Variants in FYN observed in about 807,000 individuals in gnomAD.
FYN encodes tyrosine-protein kinase Fyn.
In FYN, 10 loss-of-function variants were observed where a neutral mutation model predicts 70.2. The ratio of observed to expected loss-of-function variants is 0.14; its 90% confidence interval spans 0.09 to 0.24. The LOEUF (loss-of-function observed/expected upper bound fraction) is 0.24, where lower values mean the gene tolerates loss of function less well. FYN is among the 10% of genes least tolerant of loss of function. The probability of loss-of-function intolerance (pLI) is 1.00; values close to 1 mark genes in which losing one functional copy is unlikely to be tolerated. For missense variants in FYN, 319 were observed against 673.1 expected (o/e 0.47, Z 5.82); for synonymous variants, 236 against 248.6 (o/e 0.95, Z 0.48).
At chr6:111,754,884 G>C (rs939509983) in intron 3 of FYN, among the ~76,000 whole-genome samples, 1 of 151,648 alleles carries the variant, frequency 6.6e-6, no homozygotes, top group Non-Finnish European at 1.5e-5. Context: ...ACAGTAATAC[G>C]ATGTTAAAAG....
rs1797697728 is a variant in FYN, at chr6:111,660,498, A to G, written c.*1241T>C. On this transcript the variant is annotated 3_prime_UTR_variant, in exon 14 of 14. Transcript: ENST00000354650. ...AGGATTTTTGATTTGTTGTTGTTAA[A>G]CATATGTAATTTAAGGTTGGTACAA... 1 of 152,224 alleles carries G rather than the reference A, an allele frequency of 6.6e-6. No individual in the cohort carries two copies. The highest frequency in any genetic ancestry group is 6.5e-5 in the Admixed American group (1 of 15,282). The allele number at this position is 152,224 out of a possible 1,614,324, so 9.4% of individuals were successfully genotyped here.
intron 12 of FYN, among the ~76,000 whole-genome samples, chr6:111,678,219 T>C (rs945361244): frequency 1.3e-5 from 2 of 151,378 alleles, no homozygotes; most frequent in African/African-American, 4.9e-5. Context: ...TTTACCAAAC[T>C]CCCAAGGTAA....
At chr6:111,863,100 G>C (rs930804600) in intron 1 of FYN, among the ~76,000 whole-genome samples, 2 of 152,162 alleles carry the variant, frequency 1.3e-5, no homozygotes, top group Non-Finnish European at 2.9e-5. Context: ...TTAGTAAAGG[G>C]ACAGGATCCA....
At chr6:111,750,789 G>A (rs956064418) in intron 3 of FYN, among the ~76,000 whole-genome samples, 19 of 150,990 alleles carry the variant, frequency 1.3e-4, no homozygotes, top group African/African-American at 4.9e-5. Context: ...GAAACAAAGG[G>A]CATGCGTTCC....
intron 12 of FYN, among the ~76,000 whole-genome samples, chr6:111,684,691 AC>A (rs1178121337): frequency 6.6e-6 from 1 of 152,150 alleles, no homozygotes; most frequent in Non-Finnish European, 1.5e-5. Context: ...TGCAACGGTG[AC>A]CAATGACAAA....
At chr6:111,836,610 T>TA (rs1773196109) in intron 2 of FYN, among the ~76,000 whole-genome samples, 1 of 151,926 alleles carries the variant, frequency 6.6e-6, no homozygotes, top group South Asian at 2.1e-4. Flanking sequence ...ACAAAAATAA[T>TA]AAAAAATATT....
At chr6:111,862,713 A>G (rs778464074) in intron 1 of FYN, among the ~76,000 whole-genome samples, 4 of 152,220 alleles carry the variant, frequency 2.6e-5, no homozygotes, top group Non-Finnish European at 5.9e-5. Flanking sequence ...AAAACCTTCC[A>G]AACCCTGAAT....
intron 6 of FYN, 81 bp downstream of exon 6, chr6:111,707,841 C>G: frequency 5.4e-6 from 6 of 1,105,362 alleles, no homozygotes; most frequent in Non-Finnish European, 6.9e-6. Flanking sequence ...TCTTCTCCCT[C>G]CTGCCCAATG....
At chr6:111,752,225 C>T (rs114624378) in intron 3 of FYN, among the ~76,000 whole-genome samples, 1,718 of 152,278 alleles carry the variant, frequency 0.011, 24 homozygotes, top group African/African-American at 0.037. Flanking sequence ...CTCTCTTAAA[C>T]CTCAACTCCA....
intron 3 of FYN, among the ~76,000 whole-genome samples, chr6:111,750,445 A>G (rs1233661407): frequency 6.6e-6 from 1 of 152,166 alleles, no homozygotes; most frequent in Non-Finnish European, 1.5e-5. Context: ...AGAAGCCGCT[A>G]TGCTTCCTGT....
At position 111,670,750 on chromosome 6, in the gene FYN, CAAT is replaced by C. The variant is rs940577307; in HGVS notation, c.1405+3746_1405+3748del. ...TCTAGAATACTAACTCTGTTGGCAA[CAAT>C]GATAGAATGGTGGGTGGGTGGGTGG... On this transcript the variant is annotated intron_variant, in intron 13 of 13. Coordinates refer to ENST00000354650, the MANE Select transcript of FYN (RefSeq NM_002037.5). Among the ~76,000 whole-genome samples the C allele has an allele frequency of 1.6e-4, 16 of 98,652 alleles. No homozygotes were observed. The Admixed American group carries it at 2.8e-3, about 17-fold the overall frequency. The allele number at this position is 98,652 out of a possible 152,430, so 64.7% of individuals were successfully genotyped here. A position where few individuals can be genotyped will look rare whatever the true frequency, so the allele number is the denominator to read the frequency against.
chr6:111,817,369 C>A (rs1772521878), intron 2 of FYN, among the ~76,000 whole-genome samples: 1 of 152,142 alleles, frequency 6.6e-6, no homozygotes, highest in Non-Finnish European at 1.5e-5. Flanking sequence ...AAGACAATTT[C>A]TTTCCCCTTG....
chr6:111,723,363 TTAAA>T (rs1420005401), intron 3 of FYN, among the ~76,000 whole-genome samples: 4 of 152,096 alleles, frequency 2.6e-5, no homozygotes, highest in Non-Finnish European at 5.9e-5. Context: ...TAAATATTAG[TTAAA>T]TAAATAAATT....
chr6:111,816,426 T>C (rs556237709), intron 2 of FYN, among the ~76,000 whole-genome samples: 4 of 152,148 alleles, frequency 2.6e-5, no homozygotes, highest in African/African-American at 7.2e-5. Context: ...TTCCCTGAAA[T>C]AGACAACCTC....
chr6:111,873,270 C>G lies in FYN; in HGVS notation c.-425G>C, dbSNP rs1284274965. ...GAGGACGCGCCGCTCGCACAACAAC[C>G]TCGCCTCTACTCTCGCCGCCGGGCG... On this transcript the variant is annotated 5_prime_UTR_variant, in exon 1 of 14. Transcript: ENST00000354650. 1.3e-5 allele frequency: 2 copies of G among 150,528 alleles called. No homozygotes were observed. Among genetic ancestry groups the G allele is most frequent in the African/African-American group, 4.9e-5 (2 of 41,114 alleles). 9.3% of individuals were successfully genotyped at this position (150,528 alleles called of 1,614,324 possible). A position where few individuals can be genotyped will look rare whatever the true frequency, so the allele number is the denominator to read the frequency against.
intron 3 of FYN, 139 bp downstream of exon 3, chr6:111,780,427 A>G (rs906294734): frequency 3.9e-5 from 6 of 152,510 alleles, no homozygotes; most frequent in African/African-American, 1.4e-4. Flanking sequence ...CATCAATTCA[A>G]TGTCACATTT....
chr6:111,773,603 AGAGG>A (rs1803575904), intron 3 of FYN, among the ~76,000 whole-genome samples: 1 of 64,086 alleles, frequency 1.6e-5, no homozygotes, highest in Admixed American at 2.1e-4. Context: ...GGAAAGGGAG[AGAGG>A]GGGAGGGAGA....
chr6:111,830,143 C>G (rs746866661), intron 2 of FYN, among the ~76,000 whole-genome samples: 9 of 152,080 alleles, frequency 5.9e-5, no homozygotes, highest in Non-Finnish European at 1.3e-4. Flanking sequence ...ATAAGGCTGC[C>G]AAGTCGTGGG....
At position 111,693,089 on chromosome 6, in the gene FYN, G is replaced by A. The variant is rs181069119; in HGVS notation, c.1273+1286C>T. 7.2e-5 allele frequency among the ~76,000 whole-genome samples: 11 copies of A among 152,334 alleles called. No homozygotes were observed. The East Asian group carries it at 2.1e-3, about 29-fold the overall frequency. ...CGACATGTAATTCAGCATTTGGACAGTATCGGTAGCAGCCAGGGTCTTAGT... is the reference window on the plus strand; with the variant it reads ...CGACATGTAATTCAGCATTTGGACAATATCGGTAGCAGCCAGGGTCTTAGT... On this transcript the variant is annotated intron_variant, in intron 12 of 13. Transcript: ENST00000354650.
Sources: allele counts gnomAD v4.1 joint callset (sites outside exome capture counted in the v4.1 genomes callset), GRCh38; gene constraint gnomAD v4.1.1; transcripts MANE v1.5; gene names NCBI Gene and HGNC (gene_info 2026-07-23, HGNC 2026-07-21).